Variants in NRIP1 observed in about 807,000 individuals in gnomAD.
NRIP1 encodes nuclear receptor interacting protein 1.
NRIP1 carries 28 observed loss-of-function variants against 75.0 expected under a neutral mutation model. The observed-to-expected ratio is 0.37, with a 90% confidence interval of 0.28 to 0.51. The LOEUF is 0.51. Among genes scored for constraint, NRIP1 ranks in the 20% least tolerant of loss-of-function variants. The pLI is 0.92. For missense variants in NRIP1, 1,435 were observed against 1,343.7 expected (o/e 1.07, Z -1.06); for synonymous variants, 526 against 487.6 (o/e 1.08, Z -1.04).
At chr21:15,025,787 A>G (rs1451755980) in intron 2 of NRIP1, among the ~76,000 whole-genome samples, 1 of 152,214 alleles carries the variant, frequency 6.6e-6, no homozygotes, top group Non-Finnish European at 1.5e-5. Flanking sequence ...AACAGAAGAC[A>G]ACCCTAAAGG....
At chr21:14,975,305 C>T (rs58449654) in intron 3 of NRIP1, among the ~76,000 whole-genome samples, 2,673 of 152,118 alleles carry the variant, frequency 0.018, 81 homozygotes, top group African/African-American at 0.06. Context: ...TGTCAACTTT[C>T]CTCTTTGACA....
intron 2 of NRIP1, among the ~76,000 whole-genome samples, chr21:15,031,338 C>T (rs934707607): frequency 4.9e-5 from 7 of 143,392 alleles, no homozygotes; most frequent in East Asian, 5.0e-4. Flanking sequence ...CTCTGGAAGG[C>T]GCTCGGAGGA....
chr21:15,021,556 C>T (rs1311791238), intron 2 of NRIP1, among the ~76,000 whole-genome samples: 4 of 151,968 alleles, frequency 2.6e-5, no homozygotes, highest in Non-Finnish European at 4.4e-5. Context: ...TTGCTGGATA[C>T]ATGTAAATTA....
chr21:15,047,954 T>TA (rs2089122107), intron 1 of NRIP1, among the ~76,000 whole-genome samples: 1 of 152,242 alleles, frequency 6.6e-6, no homozygotes, highest in African/African-American at 2.4e-5. Context: ...TTTAAATACT[T>TA]AGCCATTATA....
chr21:15,049,269 G>T (rs746773904), intron 1 of NRIP1, among the ~76,000 whole-genome samples: 10 of 152,140 alleles, frequency 6.6e-5, no homozygotes, highest in Non-Finnish European at 8.8e-5. Flanking sequence ...ACCTAAACAC[G>T]AATATATTCA....
intron 3 of NRIP1, among the ~76,000 whole-genome samples, chr21:14,986,092 T>C (rs1271255997): frequency 2.6e-5 from 4 of 152,186 alleles, no homozygotes; most frequent in Non-Finnish European, 5.9e-5. Flanking sequence ...ATAATAATTA[T>C]ATGCCAAAGA....
intron 2 of NRIP1, among the ~76,000 whole-genome samples, chr21:15,031,989 C>T (rs1478435915): frequency 2.0e-5 from 3 of 151,026 alleles, no homozygotes; most frequent in Admixed American, 1.3e-4. Flanking sequence ...CTGGAAGGCG[C>T]TTGGAGGATC....
intron 1 of NRIP1, among the ~76,000 whole-genome samples, chr21:15,062,056 T>C (rs1200934422): frequency 6.6e-6 from 1 of 152,226 alleles, no homozygotes; most frequent in Admixed American, 6.5e-5. Flanking sequence ...ATTAATACAG[T>C]GCTCTAGTTC....
chr21:15,010,784 T>C (rs976544144), intron 3 of NRIP1, among the ~76,000 whole-genome samples: 1 of 152,130 alleles, frequency 6.6e-6, no homozygotes, highest in African/African-American at 2.4e-5. Flanking sequence ...GAGCTCCAGA[T>C]GAGAAATGAT....
At chr21:14,973,509 T>C (rs2086962328) in intron 3 of NRIP1, among the ~76,000 whole-genome samples, 1 of 152,096 alleles carries the variant, frequency 6.6e-6, no homozygotes, top group South Asian at 2.1e-4. Context: ...AAAAGCTAAC[T>C]CAGTGATGTT....
intron 1 of NRIP1, chr21:15,051,286 G>A (rs1374271791): frequency 6.7e-5 from 11 of 164,942 alleles, no homozygotes; most frequent in Non-Finnish European, 1.3e-4. Context: ...GTGTGTGTGC[G>A]CGTGTGTGTG....
chr21:14,962,018 TATATA>T lies in NRIP1; in HGVS notation c.*2693_*2697del, dbSNP rs2086603705. The T allele has an allele frequency of 1.7e-4, 2 of 11,442 alleles. No homozygotes were observed. Among genetic ancestry groups the T allele is most frequent in the Admixed American group, 2.7e-3 (2 of 754 alleles). 0.7% of individuals were successfully genotyped at this position (11,442 alleles called of 1,614,324 possible). ...TCAATATATATATATATACATATTATATATATATATATATATATATATATAAAATA... is the reference window on the plus strand; with the variant it reads ...TCAATATATATATATATACATATTATTATATATATATATATATATAAAATA... On this transcript the variant is annotated 3_prime_UTR_variant, in exon 4 of 4. Coordinates refer to ENST00000318948, the MANE Select transcript of NRIP1 (RefSeq NM_003489.4).
At position 15,037,341 on chromosome 21, in the gene NRIP1, A is replaced by G. The variant is rs549905699; in HGVS notation, c.-458+6154T>C. On this transcript the variant is annotated intron_variant, in intron 2 of 3. Transcript: ENST00000318948. The stretch of plus-strand genomic sequence containing the variant: ...CAAAGATGAACTTTTATCTTTTTTG[A>G]TCGTTTCTAAGCTTTAAAATTATAT... 2.0e-5 allele frequency among the ~76,000 whole-genome samples: 3 copies of G among 152,238 alleles called. No individual in the cohort carries two copies. In the South Asian group the frequency reaches 6.2e-4, roughly 31 times the overall value.
At position 14,963,275 on chromosome 21, in the gene NRIP1, C is replaced by A. The variant is rs192329189; in HGVS notation, c.*1441G>T. 6.6e-6 allele frequency: 1 copy of A among 152,568 alleles called. No individual in the cohort carries two copies. The highest frequency in any genetic ancestry group is 2.4e-5 in the African/African-American group (1 of 41,540). 9.5% of individuals were successfully genotyped at this position (152,568 alleles called of 1,614,324 possible). The stretch of plus-strand genomic sequence containing the variant: ...ATGGTTTTAATAAAGGTTAAGGATG[C>A]ATTCAGGAGAAGTTTCCAAACCATC... On this transcript the variant is annotated 3_prime_UTR_variant, in exon 4 of 4. Transcript: ENST00000318948.
chr21:15,018,333 C>G (rs533181691), intron 2 of NRIP1, among the ~76,000 whole-genome samples: 1 of 151,842 alleles, frequency 6.6e-6, no homozygotes, highest in African/African-American at 2.4e-5. Context: ...ATGAATAAGA[C>G]GAACACAGTT....
At position 14,966,727 on chromosome 21, in the gene NRIP1, T is replaced by C; in HGVS notation, c.1466A>G (p.Asn489Ser). The C allele has an allele frequency of 1.2e-6, 2 of 1,614,008 alleles. No individual in the cohort carries two copies. Among genetic ancestry groups the C allele is most frequent in the South Asian group, 1.1e-5 (1 of 91,072 alleles). The change falls in exon 4 of 4, where the codon AAT becomes AGT. Residue 489 changes from asparagine to serine, a missense_variant. Physicochemically the swap from Asn to Ser is conservative, Grantham distance 46 (BLOSUM62 1). Coordinates refer to ENST00000318948, the MANE Select transcript of NRIP1 (RefSeq NM_003489.4). ...TTTCTGGTGTGAGTTTAGCTTAGAA[T>C]TCTTTGAGGTATCTTGATCTTCTTT... Reference protein sequence around the residue: ...DIKEDQDTSKNSKLNSHQKVT... With the variant: ...DIKEDQDTSKSSKLNSHQKVT...
At chr21:14,989,743 A>C (rs1228562139) in intron 3 of NRIP1, among the ~76,000 whole-genome samples, 1 of 152,006 alleles carries the variant, frequency 6.6e-6, no homozygotes, top group Non-Finnish European at 1.5e-5. Flanking sequence ...AGTTTCCCTG[A>C]CTCCAAAGTC....
At chr21:14,994,669 GT>G (rs1415294070) in intron 3 of NRIP1, among the ~76,000 whole-genome samples, 1 of 152,136 alleles carries the variant, frequency 6.6e-6, no homozygotes, top group Non-Finnish European at 1.5e-5. Flanking sequence ...CAGGCATTTT[GT>G]GAAGACATTT....
chr21:15,016,444 C>G (rs2088230785), intron 2 of NRIP1, among the ~76,000 whole-genome samples: 1 of 152,304 alleles, frequency 6.6e-6, no homozygotes, highest in South Asian at 2.1e-4. Flanking sequence ...AAGGCACGCC[C>G]ATCTTCCCGT....
Sources: allele counts gnomAD v4.1 joint callset (sites outside exome capture counted in the v4.1 genomes callset), GRCh38; gene constraint gnomAD v4.1.1; transcripts MANE v1.5; gene names NCBI Gene and HGNC (gene_info 2026-07-23, HGNC 2026-07-21).